Variants in CEP63 observed in about 807,000 individuals in gnomAD.
CEP63 encodes the protein centrosomal protein of 63 kDa.
In CEP63, 84 loss-of-function variants were observed where a neutral mutation model predicts 89.1. The ratio of observed to expected loss-of-function variants is 0.94; its 90% CI spans 0.79 to 1.13. The LOEUF (loss-of-function observed/expected upper bound fraction) is 1.13, where lower values mean the gene tolerates loss of function less well. Ranked by LOEUF, CEP63 falls within the 50% of genes most tolerant of loss-of-function variation. The probability of loss-of-function intolerance (pLI) is 0.00; values close to 1 mark genes in which losing one functional copy is unlikely to be tolerated. For synonymous variants in CEP63, 267 were observed against 272.5 expected (o/e 0.98, Z 0.20); for missense variants, 838 against 813.3 (o/e 1.03, Z -0.37).
downstream of CEP63, among the ~76,000 whole-genome samples, chr3:134,579,912 A>T (rs768580978): frequency 6.6e-6 from 1 of 152,220 alleles, no homozygotes; most frequent in African/African-American, 2.4e-5. Flanking sequence ...ACTAAAACAC[A>T]CTAAGGGCTG....
At chr3:134,572,094 G>A (rs1036958155) in intron 11 of CEP63, among the ~76,000 whole-genome samples, 3 of 152,168 alleles carry the variant, frequency 2.0e-5, no homozygotes, top group Non-Finnish European at 4.4e-5. Context: ...GGATCCTTGG[G>A]AAGTGTCTGT....
intron 1 of CEP63, among the ~76,000 whole-genome samples, chr3:134,492,299 A>G (rs1204715468): frequency 6.6e-6 from 1 of 152,046 alleles, no homozygotes; most frequent in Non-Finnish European, 1.5e-5. Flanking sequence ...GTCTAATTTT[A>G]TGTAATTATA....
chr3:134,552,041 A>G (rs377614434), intron 12 of CEP63, 29 bp downstream of exon 12: 8 of 1,234,184 alleles, frequency 6.5e-6, no homozygotes, highest in South Asian at 1.2e-5. Context: ...AAGTTTTTCT[A>G]CTATCCAAGC....
chr3:134,620,208 G>A, the CEP63 span, among the ~76,000 whole-genome samples: 1 of 152,154 alleles, frequency 6.6e-6, no homozygotes, highest in Non-Finnish European at 1.5e-5. Context: ...AGAGCTGTGG[G>A]CAGCTGCATA....
intron 2 of CEP63, among the ~76,000 whole-genome samples, chr3:134,500,483 TAGTCTC>T (rs1270569914): frequency 1.3e-5 from 2 of 152,194 alleles, no homozygotes; most frequent in Admixed American, 1.3e-4. Flanking sequence ...AATCGATTGG[TAGTCTC>T]ATTCTATTTT....
At chr3:134,576,375 T>C (rs1350005268), downstream of CEP63, among the ~76,000 whole-genome samples, 6 of 152,246 alleles carry the variant, frequency 3.9e-5, no homozygotes, top group African/African-American at 2.4e-5. Context: ...TGCTATTCCC[T>C]GAAGATGCCA....
intron 3 of CEP63, among the ~76,000 whole-genome samples, chr3:134,508,558 ATTGT>A (rs1311640383): frequency 6.6e-6 from 1 of 152,160 alleles, no homozygotes; most frequent in Non-Finnish European, 1.5e-5. Flanking sequence ...TGATAAATAG[ATTGT>A]TTATTTTGTT....
chr3:134,593,311 A>G, the CEP63 span, among the ~76,000 whole-genome samples: 1 of 152,284 alleles, frequency 6.6e-6, no homozygotes, highest in South Asian at 2.1e-4. Context: ...CTGAGTACTT[A>G]CTATGTGCCC....
chr3:134,672,279 T>C, the CEP63 span, among the ~76,000 whole-genome samples: 1 of 152,160 alleles, frequency 6.6e-6, no homozygotes, highest in Admixed American at 6.5e-5. Flanking sequence ...GAGGAATAAA[T>C]GAGATTTCAC....
At chr3:134,574,729 G>A in intron 11 of CEP63, 2 of 551,514 alleles carry the variant, frequency 3.6e-6, no homozygotes, top group Non-Finnish European at 6.6e-6. Context: ...TCAGCCTCCT[G>A]AGTAGCTGGG....
chr3:134,618,475 ACCC>A, the CEP63 span, among the ~76,000 whole-genome samples: 1 of 152,020 alleles, frequency 6.6e-6, no homozygotes, highest in Non-Finnish European at 1.5e-5. Flanking sequence ...TTCTGGAGGA[ACCC>A]AGCAGACCTC....
chr3:134,611,374 TG>T, the CEP63 span, among the ~76,000 whole-genome samples: 1 of 152,186 alleles, frequency 6.6e-6, no homozygotes, highest in Non-Finnish European at 1.5e-5. Context: ...GCAAGACCCC[TG>T]GGTGTCCTTT....
downstream of CEP63, among the ~76,000 whole-genome samples, chr3:134,579,712 A>G (rs62271514): frequency 0.33 from 50,843 of 152,090 alleles, 8,860 homozygotes; most frequent in African/African-American, 0.41. Context: ...AGAAGTAAGA[A>G]TATATATCCA....
the CEP63 span, among the ~76,000 whole-genome samples, chr3:134,720,067 C>A: frequency 6.6e-6 from 1 of 151,944 alleles, no homozygotes; most frequent in Non-Finnish European, 1.5e-5. Context: ...AGTGGCTGCA[C>A]CATTTTACAT....
chr3:134,508,868 A>T (rs1377998182), intron 3 of CEP63, among the ~76,000 whole-genome samples: 1 of 151,940 alleles, frequency 6.6e-6, no homozygotes, highest in African/African-American at 2.4e-5. Flanking sequence ...CTGAAAGTTG[A>T]TTAAGTTTCT....
the CEP63 span, among the ~76,000 whole-genome samples, chr3:134,740,504 A>G: frequency 4.6e-5 from 7 of 152,068 alleles, no homozygotes; most frequent in East Asian, 3.9e-4. Flanking sequence ...TCACCGTGTT[A>G]GCCAGGATGG....
At chr3:134,706,594 A>G in the CEP63 span, among the ~76,000 whole-genome samples, 1 of 152,164 alleles carries the variant, frequency 6.6e-6, no homozygotes, top group Admixed American at 6.5e-5. Context: ...TCTCCCCTTG[A>G]TGGTTGACAT....
At chr3:134,576,537 A>T (rs1233403181), downstream of CEP63, among the ~76,000 whole-genome samples, 2 of 152,254 alleles carry the variant, frequency 1.3e-5, no homozygotes, top group Non-Finnish European at 2.9e-5. Flanking sequence ...CAGTGAAATG[A>T]GACTGAGAGC....
At chr3:134,503,929 A>G (rs1324834585) in intron 2 of CEP63, among the ~76,000 whole-genome samples, 1 of 152,070 alleles carries the variant, frequency 6.6e-6, no homozygotes, top group East Asian at 1.9e-4. Flanking sequence ...CTTGCTTTTT[A>G]TAGAGATATT....
Sources: allele counts gnomAD v4.1 joint callset (sites outside exome capture counted in the v4.1 genomes callset), GRCh38; gene constraint gnomAD v4.1.1; transcripts MANE v1.5; gene names NCBI Gene and HGNC (gene_info 2026-07-23, HGNC 2026-07-21).